The following PDZRN3 variants were observed in gnomAD, a reference collection of about 807,000 sequenced individuals.
The protein encoded by PDZRN3 is PDZ domain containing ring finger 3.
A neutral mutation model predicts 85.7 loss-of-function variants in PDZRN3; 38 were observed. That is an observed-to-expected ratio of 0.44 (90% confidence interval 0.34 to 0.58). PDZRN3 has a LOEUF of 0.58. Among genes scored for constraint, PDZRN3 ranks in the 20% least tolerant of loss-of-function variants. PDZRN3 has a pLI of 0.01. For synonymous variants in PDZRN3, 759 were observed against 638.0 expected (o/e 1.19, Z -2.86); for missense variants, 1,629 against 1,506.4 (o/e 1.08, Z -1.35).
chr3:73,541,005 C>A (rs1214934126), intron 3 of PDZRN3, among the ~76,000 whole-genome samples: 1 of 152,208 alleles, frequency 6.6e-6, no homozygotes, highest in African/African-American at 2.4e-5. Context: ...AAACTGTCTA[C>A]TCTAATGTAT....
intron 3 of PDZRN3, chr3:73,561,600 C>T (rs967141167): frequency 6.6e-6 from 1 of 152,200 alleles, no homozygotes; most frequent in Non-Finnish European, 1.5e-5. Context: ...TATCCGTTCA[C>T]TTGCAAGGCT....
chr3:73,551,363 T>C (rs1006064241), intron 3 of PDZRN3, among the ~76,000 whole-genome samples: 2 of 152,184 alleles, frequency 1.3e-5, no homozygotes, highest in African/African-American at 4.8e-5. Flanking sequence ...TGGCTATCAT[T>C]GTTTAATGTT....
At chr3:73,570,519 T>C (rs908121782) in intron 3 of PDZRN3, among the ~76,000 whole-genome samples, 1 of 152,198 alleles carries the variant, frequency 6.6e-6, no homozygotes, top group Admixed American at 6.5e-5. Context: ...AAATGCGGCA[T>C]TAACCCACAT....
intron 3 of PDZRN3, among the ~76,000 whole-genome samples, chr3:73,565,071 T>C (rs1701913199): frequency 6.6e-6 from 1 of 152,014 alleles, no homozygotes; most frequent in Non-Finnish European, 1.5e-5. Flanking sequence ...TAATACTGTA[T>C]ATACCACCCG....
rs181549160 is a variant in PDZRN3, at chr3:73,390,874, G to A, written c.1353+144C>T. On this transcript the variant is annotated intron_variant, in intron 6 of 9. Transcript: ENST00000263666. ...CTTAACCTCCGTGGAAAGATGCAGC[G>A]CCATGGAGTGTGATGAGGGGGACAG... is the stretch of plus-strand genomic sequence containing the variant. 642 of 605,052 alleles carry A rather than the reference G, an allele frequency of 1.1e-3. 11 individuals carry two copies. The Admixed American group carries it at 0.015, about 14-fold the overall frequency. The allele number at this position is 605,052 out of a possible 1,614,324, so 37.5% of individuals were successfully genotyped here.
At chr3:73,585,965 T>C (rs1225995577) in intron 3 of PDZRN3, among the ~76,000 whole-genome samples, 1 of 152,184 alleles carries the variant, frequency 6.6e-6, no homozygotes, top group Non-Finnish European at 1.5e-5. Flanking sequence ...ATAACACAAT[T>C]TCCTAAGTCT....
intron 3 of PDZRN3, among the ~76,000 whole-genome samples, chr3:73,578,413 G>A (rs985658266): frequency 1.1e-4 from 16 of 152,032 alleles, no homozygotes; most frequent in Admixed American, 3.3e-4. Context: ...CTCGTGATCC[G>A]CCAGCCTTGG....
At chr3:73,479,865 AT>A (rs1703528308) in intron 3 of PDZRN3, among the ~76,000 whole-genome samples, 1 of 152,202 alleles carries the variant, frequency 6.6e-6, no homozygotes, top group Non-Finnish European at 1.5e-5. Context: ...AAAACTAAAC[AT>A]GTATGAGTTG....
intron 3 of PDZRN3, among the ~76,000 whole-genome samples, chr3:73,594,629 T>G (rs1223402868): frequency 6.6e-6 from 1 of 152,106 alleles, no homozygotes; most frequent in East Asian, 1.9e-4. Flanking sequence ...GTCTCCTGAT[T>G]TAAATCTAAA....
intron 3 of PDZRN3, among the ~76,000 whole-genome samples, chr3:73,515,348 T>C (rs1212602895): frequency 1.3e-5 from 2 of 152,078 alleles, no homozygotes; most frequent in African/African-American, 4.8e-5. Context: ...GCTAATTTTT[T>C]TGTATTTTTA....
chr3:73,404,095 C>G (rs1416857699), intron 4 of PDZRN3, 53 bp downstream of exon 4: 9 of 1,549,698 alleles, frequency 5.8e-6, no homozygotes, highest in Non-Finnish European at 7.9e-6. Flanking sequence ...GAGAAAGAAA[C>G]CAACTTGGAA....
At chr3:73,450,302 A>G (rs1019579497) in intron 3 of PDZRN3, among the ~76,000 whole-genome samples, 1 of 152,178 alleles carries the variant, frequency 6.6e-6, no homozygotes, top group Non-Finnish European at 1.5e-5. Context: ...CGTACTAAAC[A>G]TTCTCAAGCC....
intron 3 of PDZRN3, among the ~76,000 whole-genome samples, chr3:73,462,693 A>G (rs180887939): frequency 6.6e-6 from 1 of 152,294 alleles, no homozygotes; most frequent in East Asian, 1.9e-4. Context: ...TGTATTCTCA[A>G]TACCTCTCTG....
intron 3 of PDZRN3, among the ~76,000 whole-genome samples, chr3:73,496,550 T>C (rs1249136830): frequency 3.1e-5 from 4 of 129,576 alleles, no homozygotes; most frequent in African/African-American, 1.2e-4. Context: ...ATTTATAACG[T>C]ATTTCTAAGT....
chr3:73,565,031 A>T (rs1479945815), intron 3 of PDZRN3, among the ~76,000 whole-genome samples: 1 of 152,148 alleles, frequency 6.6e-6, no homozygotes, highest in Non-Finnish European at 1.5e-5. Context: ...AGGTAACTGT[A>T]CACACAATAT....
intron 3 of PDZRN3, among the ~76,000 whole-genome samples, chr3:73,490,677 GA>G (rs1272442811): frequency 3.9e-5 from 6 of 152,194 alleles, no homozygotes; most frequent in Non-Finnish European, 7.3e-5. Flanking sequence ...CACTTAAGGG[GA>G]AAAGGCTGAA....
intron 4 of PDZRN3, 68 bp from the exon 5 acceptor site, chr3:73,401,077 T>G: frequency 8.5e-7 from 1 of 1,177,034 alleles, no homozygotes; most frequent in Non-Finnish European, 1.3e-6. Flanking sequence ...TTACACCCAT[T>G]GTCAGGCCAG....
At chr3:73,444,849 G>C (rs1001403526) in intron 3 of PDZRN3, among the ~76,000 whole-genome samples, 2 of 152,210 alleles carry the variant, frequency 1.3e-5, no homozygotes, top group Non-Finnish European at 2.9e-5. Flanking sequence ...ACAGACATAG[G>C]GAAAAACAAG....
chr3:73,587,100 C>T (rs1214121486), intron 3 of PDZRN3, among the ~76,000 whole-genome samples: 1 of 152,206 alleles, frequency 6.6e-6, no homozygotes, highest in South Asian at 2.1e-4. Flanking sequence ...GCTGTTAACA[C>T]GAAGGCACAG....
Sources: gnomAD v4.1 joint callset for allele counts (sites outside exome capture counted in the v4.1 genomes callset) on GRCh38, gnomAD v4.1.1 for gene constraint, MANE v1.5 for transcripts, NCBI Gene and HGNC (gene_info 2026-07-23, HGNC 2026-07-21) for gene names.